Variants in RIIAD1 observed in about 807,000 individuals in gnomAD.
RIIAD1 encodes RIIa domain-containing protein 1.
A neutral mutation model predicts 13.3 loss-of-function variants in RIIAD1; 15 were observed. That is an observed-to-expected ratio of 1.13 (90% CI 0.76 to 1.74). The LOEUF is 1.74. RIIAD1 is among the 40% of genes most tolerant of loss of function. The pLI is 0.00. For synonymous variants in RIIAD1, 50 were observed against 43.3 expected (o/e 1.16, Z -0.61); for missense variants, 121 against 112.2 (o/e 1.08, Z -0.35).
At chr1:151,727,816 T>C (rs1042138850) in intron 3 of RIIAD1, among the ~76,000 whole-genome samples, 195 bp downstream of exon 3, 8 of 152,152 alleles carry the variant, frequency 5.3e-5, no homozygotes, top group Admixed American at 2.6e-4. Flanking sequence ...AGACAAGAAA[T>C]GAGGCAGAAC....
At chr1:151,721,399 C>G (rs1222943389), upstream of RIIAD1, 1 of 422,078 alleles carries the variant, frequency 2.4e-6, no homozygotes, top group East Asian at 3.6e-5. Flanking sequence ...CCCCCCAAGC[C>G]CCCGCCCCGG....
intron 4 of RIIAD1, among the ~76,000 whole-genome samples, chr1:151,729,238 C>T (rs2101519718): frequency 6.6e-6 from 1 of 152,150 alleles, no homozygotes; most frequent in Non-Finnish European, 1.5e-5. Context: ...CCTGTGTGAC[C>T]TTGGTGGTGA....
upstream of RIIAD1, chr1:151,719,715 T>C: frequency 1.4e-6 from 1 of 695,628 alleles, no homozygotes; most frequent in African/African-American, 1.8e-5. Flanking sequence ...CAATACATAA[T>C]AGTGAGTACT....
At chr1:151,715,895 C>A (rs1236789052) in intron 4 of RIIAD1, 1 of 1,613,920 alleles carries the variant, frequency 6.2e-7, no homozygotes, top group Non-Finnish European at 8.5e-7. Flanking sequence ...GCCCGGTGTA[C>A]TTGTCCTTGA....
chr1:151,723,001 C>A (rs1017266038), intron 2 of RIIAD1, among the ~76,000 whole-genome samples: 3 of 152,234 alleles, frequency 2.0e-5, no homozygotes, highest in Non-Finnish European at 2.9e-5. Flanking sequence ...AGGATTCAAA[C>A]CCCTGGTTTT....
chr1:151,729,100 C>T (rs969118842), intron 4 of RIIAD1, among the ~76,000 whole-genome samples: 4 of 151,962 alleles, frequency 2.6e-5, no homozygotes, highest in African/African-American at 9.7e-5. Flanking sequence ...TAGCAGGAAG[C>T]TTCTTAATGT....
At chr1:151,722,880 T>C (rs897655242) in intron 2 of RIIAD1, among the ~76,000 whole-genome samples, 3 of 152,242 alleles carry the variant, frequency 2.0e-5, no homozygotes, top group Admixed American at 1.3e-4. Context: ...TGGAACACTT[T>C]TGCTGATCCT....
chr1:151,713,313 C>A (rs1673185578), intron 2 of RIIAD1, among the ~76,000 whole-genome samples: 1 of 152,196 alleles, frequency 6.6e-6, no homozygotes, highest in South Asian at 2.1e-4. Flanking sequence ...GCCTGAGCTG[C>A]CAGGCAGCTG....
chr1:151,716,454 G>C, intron 4 of RIIAD1: 2 of 307,110 alleles, frequency 6.5e-6, no homozygotes, highest in Non-Finnish European at 1.3e-5. Flanking sequence ...GGGGTTAAGG[G>C]GCCTGCTATG....
intron 3 of RIIAD1, among the ~76,000 whole-genome samples, chr1:151,713,823 A>T (rs555344585): frequency 1.4e-3 from 214 of 152,282 alleles, no homozygotes; most frequent in African/African-American, 5.1e-3. Context: ...TCCTAGCAGT[A>T]CTCAAAGGTT....
chr1:151,713,762 T>C (rs937644108), intron 3 of RIIAD1, among the ~76,000 whole-genome samples: 2 of 152,186 alleles, frequency 1.3e-5, no homozygotes, highest in Non-Finnish European at 2.9e-5. Context: ...TGGGATAAGA[T>C]CTTTGGTGGG....
upstream of RIIAD1, among the ~76,000 whole-genome samples, chr1:151,717,296 A>T (rs1673556668): frequency 6.6e-6 from 1 of 152,200 alleles, no homozygotes; most frequent in African/African-American, 2.4e-5. Flanking sequence ...AGTCTGGGGG[A>T]AAAAGAAAAA....
At chr1:151,717,747 G>T (rs1243833616), upstream of RIIAD1, among the ~76,000 whole-genome samples, 1 of 152,234 alleles carries the variant, frequency 6.6e-6, no homozygotes, top group African/African-American at 2.4e-5. Context: ...TTCTTCAGTT[G>T]GGTTCTTTGA....
At chr1:151,721,418 C>T (rs1280252709), upstream of RIIAD1, 2 of 479,656 alleles carry the variant, frequency 4.2e-6, no homozygotes, top group African/African-American at 2.0e-5. Context: ...GGAGCTCACC[C>T]CTCAGTTCCC....
chr1:151,728,808 A>G lies in RIIAD1; in HGVS notation c.251A>G (p.Gln84Arg). ...DPRLPNKIHM[Q>R]LIKDKKAA ...AGACTTCCCAACAAGATTCACATGC[A>G]GCTAATTAAAGACAAGAAAGCGGCT... The change falls in exon 4 of 5, where the codon CAG becomes CGG. Residue 84 changes from glutamine (Q) to arginine (R), a missense_variant. Gln to Arg is a conservative substitution (Grantham distance 43, BLOSUM62 1). Transcript: ENST00000479191. 6.5e-7 allele frequency: 1 copy of G among 1,545,610 alleles called. No homozygotes were observed. The highest frequency in any genetic ancestry group is 8.8e-7 in the Non-Finnish European group (1 of 1,141,598).
intron 3 of RIIAD1, among the ~76,000 whole-genome samples, chr1:151,713,763 C>T (rs1416659754): frequency 2.6e-5 from 4 of 152,202 alleles, no homozygotes; most frequent in African/African-American, 9.7e-5. Flanking sequence ...GGGATAAGAT[C>T]TTTGGTGGGC....
chr1:151,714,669 G>C, intron 4 of RIIAD1: 1 of 1,558,174 alleles, frequency 6.4e-7, no homozygotes, highest in Non-Finnish European at 8.7e-7. Flanking sequence ...ATGTCAGGAA[G>C]GCACATCCTG....
chr1:151,712,555 C>T (rs1673113623), intron 2 of RIIAD1, among the ~76,000 whole-genome samples: 1 of 152,186 alleles, frequency 6.6e-6, no homozygotes, highest in South Asian at 2.1e-4. Context: ...AAGAGCTGGA[C>T]AGAGGGCAAC....
At chr1:151,721,155 G>C (rs1160050002), upstream of RIIAD1, among the ~76,000 whole-genome samples, 3 of 152,178 alleles carry the variant, frequency 2.0e-5, no homozygotes, top group Non-Finnish European at 4.4e-5. Flanking sequence ...TGGCTTCTGG[G>C]ACAGTGGAAA....
Sources: allele counts gnomAD v4.1 joint callset (sites outside exome capture counted in the v4.1 genomes callset), GRCh38; gene constraint gnomAD v4.1.1; transcripts MANE v1.5; gene names NCBI Gene and HGNC (gene_info 2026-07-23, HGNC 2026-07-21).